DCC: variants seen among roughly 807,000 people sequenced by gnomAD.
DCC encodes the protein DCC netrin 1 receptor.
DCC carries 58 observed loss-of-function variants against 172.5 expected under a neutral mutation model. That is an observed-to-expected ratio of 0.34 (90% CI 0.27 to 0.42). DCC has a LOEUF of 0.42. Among genes scored for constraint, DCC ranks in the 10% least tolerant of loss-of-function variants. DCC has a pLI of 1.00. For missense variants in DCC, 1,740 were observed against 1,791.0 expected (o/e 0.97, Z 0.51); for synonymous variants, 709 against 644.5 (o/e 1.10, Z -1.52).
chr18:53,020,044 C>T (rs1013464367), intron 5 of DCC, among the ~76,000 whole-genome samples: 5 of 152,110 alleles, frequency 3.3e-5, no homozygotes, highest in Non-Finnish European at 7.4e-5. Flanking sequence ...ATGATGGACA[C>T]TGTGGGAACT....
rs534851093 is a variant in DCC, at chr18:53,485,324, A to G, written c.3737-1473A>G. ...TCTATTAATGTCATCACTCCTCTAC[A>G]CTCCAAAGCAAGAATTTGTGATAGA... On this transcript the variant is annotated intron_variant, in intron 25 of 28. Transcript: ENST00000442544. Among the ~76,000 whole-genome samples, 6 of 152,196 alleles carry G rather than the reference A, an allele frequency of 3.9e-5. No homozygotes were observed. In the East Asian group the frequency reaches 7.7e-4, roughly 20 times the overall value.
intron 1 of DCC, among the ~76,000 whole-genome samples, chr18:52,431,126 A>G (rs1014915151): frequency 1.3e-5 from 2 of 152,080 alleles, no homozygotes; most frequent in African/African-American, 4.8e-5. Flanking sequence ...TCACCAGAGA[A>G]CTTGTTAGAA....
At chr18:53,332,632 T>G (rs1028685789) in intron 14 of DCC, among the ~76,000 whole-genome samples, 1 of 152,078 alleles carries the variant, frequency 6.6e-6, no homozygotes, top group Non-Finnish European at 1.5e-5. Flanking sequence ...GATTTTCCAT[T>G]CATGGAGGGG....
chr18:52,925,363 A>G lies in DCC; in HGVS notation c.978A>G (p.Thr326=), dbSNP rs2040185494. 1.2e-6 allele frequency: 2 copies of G among 1,612,164 alleles called. No homozygotes were observed. Among genetic ancestry groups the G allele is most frequent in the East Asian group, 2.2e-5 (1 of 44,806 alleles). The change falls in exon 5 of 29, where the codon ACA becomes ACG. Residue 326 remains threonine, a synonymous_variant. Transcript: ENST00000442544. ...NENISASAEL[T]VLVPPWFLNH... Reference sequence around the variant, plus strand: ...ATATTAGTGCCTCTGCAGAGCTCACAGTCTTGGGTAAGTTAGTGGCTGGAG... The same window carrying G: ...ATATTAGTGCCTCTGCAGAGCTCACGGTCTTGGGTAAGTTAGTGGCTGGAG...
intron 1 of DCC, among the ~76,000 whole-genome samples, chr18:52,509,889 G>A (rs2031371258): frequency 6.6e-6 from 1 of 152,122 alleles, no homozygotes. Context: ...GATCACCGGA[G>A]GTCCGGAGTT....
intron 1 of DCC, among the ~76,000 whole-genome samples, chr18:52,402,595 CT>C (rs1439088683): frequency 1.3e-5 from 2 of 151,988 alleles, no homozygotes; most frequent in Non-Finnish European, 2.9e-5. Flanking sequence ...TTTCTTCTTT[CT>C]GTCTGTCATT....
At chr18:53,506,859 C>CATCTCA (rs2046184940) in intron 27 of DCC, among the ~76,000 whole-genome samples, 1 of 133,380 alleles carries the variant, frequency 7.5e-6, no homozygotes, top group African/African-American at 2.8e-5. Context: ...GACTCCATCT[C>CATCTCA]AAAAAAAAAA....
chr18:52,965,557 A>G (rs1284888086), intron 5 of DCC, among the ~76,000 whole-genome samples: 3 of 152,200 alleles, frequency 2.0e-5, no homozygotes, highest in Non-Finnish European at 4.4e-5. Context: ...AAACTATGGC[A>G]GAGAAAAGTA....
chr18:53,484,470 G>A (rs887743382), intron 25 of DCC, among the ~76,000 whole-genome samples: 1 of 151,788 alleles, frequency 6.6e-6, no homozygotes, highest in African/African-American at 2.4e-5. Context: ...TGATTTTGAA[G>A]CCAAGCTTTT....
At chr18:53,259,258 G>A (rs148820828) in intron 12 of DCC, among the ~76,000 whole-genome samples, 5,438 of 152,204 alleles carry the variant, frequency 0.036, 333 homozygotes, top group African/African-American at 0.12. Flanking sequence ...TCATTATGAT[G>A]TTAGCTGGTT....
chr18:53,344,343 C>T (rs1194085314), intron 15 of DCC, among the ~76,000 whole-genome samples: 1 of 151,796 alleles, frequency 6.6e-6, no homozygotes, highest in Non-Finnish European at 1.5e-5. Flanking sequence ...TGTTATTCTC[C>T]CTAAGTTATT....
chr18:52,631,050 G>A (rs1357470114), intron 1 of DCC, among the ~76,000 whole-genome samples: 1 of 152,154 alleles, frequency 6.6e-6, no homozygotes, highest in Non-Finnish European at 1.5e-5. Context: ...TAGCATCTTA[G>A]GTCATCAGCC....
At chr18:53,285,672 C>A (rs947689327) in intron 12 of DCC, among the ~76,000 whole-genome samples, 5 of 152,204 alleles carry the variant, frequency 3.3e-5, no homozygotes, top group Admixed American at 2.0e-4. Flanking sequence ...AAGAGCACCA[C>A]CATCCTCCAG....
chr18:52,840,180 T>A (rs1415279684), intron 2 of DCC, among the ~76,000 whole-genome samples: 1 of 152,200 alleles, frequency 6.6e-6, no homozygotes, highest in Non-Finnish European at 1.5e-5. Context: ...TCACATTTCA[T>A]TGCCCAACTG....
At chr18:53,520,694 A>T (rs912259648) in intron 27 of DCC, among the ~76,000 whole-genome samples, 7 of 152,082 alleles carry the variant, frequency 4.6e-5, no homozygotes, top group African/African-American at 1.7e-4. Flanking sequence ...TCATGTAGGG[A>T]TGGAGTTATG....
At chr18:53,266,006 A>G (rs575618747) in intron 12 of DCC, among the ~76,000 whole-genome samples, 109 of 152,250 alleles carry the variant, frequency 7.2e-4, no homozygotes, top group Non-Finnish European at 1.5e-4. Flanking sequence ...CTGCCTGTGG[A>G]CATATCATGA....
chr18:52,482,734 C>T (rs2030019826), intron 1 of DCC, among the ~76,000 whole-genome samples: 2 of 152,124 alleles, frequency 1.3e-5, no homozygotes, highest in Admixed American at 1.3e-4. Context: ...CATAGATTCT[C>T]AATCCAAAAC....
intron 12 of DCC, among the ~76,000 whole-genome samples, chr18:53,255,339 A>G (rs1295077586): frequency 3.4e-5 from 5 of 148,174 alleles, no homozygotes; most frequent in African/African-American, 4.9e-5. Flanking sequence ...AACATTAGGT[A>G]TATCTCCTAA....
intron 12 of DCC, among the ~76,000 whole-genome samples, chr18:53,269,000 G>A (rs1598967091): frequency 6.6e-6 from 1 of 152,278 alleles, no homozygotes; most frequent in East Asian, 1.9e-4. Context: ...TTGTCCATTA[G>A]TGAACAGATG....
Sources: gnomAD v4.1 joint callset for allele counts (sites outside exome capture counted in the v4.1 genomes callset) on GRCh38, gnomAD v4.1.1 for gene constraint, MANE v1.5 for transcripts, NCBI Gene and HGNC (gene_info 2026-07-23, HGNC 2026-07-21) for gene names.